The following DPP10 variants were observed in gnomAD, a reference collection of about 807,000 sequenced individuals.
The protein encoded by DPP10 is inactive dipeptidyl peptidase 10.
DPP10 carries 33 observed loss-of-function variants against 120.9 expected under a neutral mutation model. The observed-to-expected ratio is 0.27, with a 90% confidence interval of 0.21 to 0.37. DPP10 has a LOEUF of 0.37. DPP10 is among the 10% of genes least tolerant of loss of function. The pLI, the probability that DPP10 is intolerant of heterozygous loss-of-function variation, is 1.00. For synonymous variants in DPP10, 337 were observed against 326.1 expected, an observed-to-expected ratio of 1.03 and a Z score of -0.36; for missense variants, 816 against 942.8, an observed-to-expected ratio of 0.87 and a Z score of 1.76.
chr2:114,856,684 A>T (rs1164592266), intron 1 of DPP10, among the ~76,000 whole-genome samples: 1 of 152,212 alleles, frequency 6.6e-6, no homozygotes, highest in Non-Finnish European at 1.5e-5. Context: ...GACATGCAAA[A>T]CTAATCTCTA....
intron 1 of DPP10, among the ~76,000 whole-genome samples, chr2:115,235,471 T>G (rs949304564): frequency 3.3e-5 from 5 of 152,216 alleles, no homozygotes; most frequent in African/African-American, 1.2e-4. Flanking sequence ...TCAAGTTGCC[T>G]TACTCATTTC....
chr2:114,817,338 C>A (rs1296143612), intron 1 of DPP10, among the ~76,000 whole-genome samples: 1 of 151,266 alleles, frequency 6.6e-6, no homozygotes, highest in Non-Finnish European at 1.5e-5. Context: ...AAGGATTTAA[C>A]CAAAGAGATG....
rs1187743296 is a variant in DPP10, at chr2:115,400,142, T to C, written c.271+56230T>C. On this transcript the variant is annotated intron_variant, in intron 3 of 25. Coordinates refer to ENST00000410059, the MANE Select transcript of DPP10 (RefSeq NM_020868.6). Reference sequence around the variant, plus strand: ...CAAGAAGATGGTGCTAAGTCATTCATGAAGCACCACCCCCATGATCCAATC... The same window carrying C: ...CAAGAAGATGGTGCTAAGTCATTCACGAAGCACCACCCCCATGATCCAATC... Among the ~76,000 whole-genome samples the C allele has an allele frequency of 3.3e-5, 5 of 152,080 alleles. No homozygotes were observed. In the East Asian group the frequency reaches 7.7e-4, roughly 24 times the overall value.
At chr2:115,309,215 A>G (rs754356698) in intron 1 of DPP10, 24 bp from the exon 2 acceptor site, 2 of 1,597,394 alleles carry the variant, frequency 1.3e-6, no homozygotes, top group East Asian at 4.5e-5. Flanking sequence ...AATAATTACA[A>G]AACTTTTTTT....
chr2:115,616,198 GATA>G (rs1271118912), intron 5 of DPP10, among the ~76,000 whole-genome samples: 1 of 151,986 alleles, frequency 6.6e-6, no homozygotes, highest in Non-Finnish European at 1.5e-5. Flanking sequence ...AATGGGGATG[GATA>G]ATAATAATAA....
At chr2:115,146,590 A>G (rs1178387287) in intron 1 of DPP10, among the ~76,000 whole-genome samples, 1 of 147,334 alleles carries the variant, frequency 6.8e-6, no homozygotes, top group African/African-American at 2.6e-5. Flanking sequence ...CAACAGGGGA[A>G]AAAAAAAAAA....
Position 115,017,158 on chromosome 2 carries a change from G to A in DPP10, c.61-292081G>A, listed in dbSNP as rs191952565. ...ACCAGCATGGCACATGTATACATAC[G>A]TAACTAACCTGCACATTGTGCACAT... On this transcript the variant is annotated intron_variant, in intron 1 of 25. Transcript: ENST00000410059. Among the ~76,000 whole-genome samples, 682 of 150,946 alleles carry A rather than the reference G, an allele frequency of 4.5e-3. 1 individual carries two copies. Among genetic ancestry groups the A allele is most frequent in the Non-Finnish European group, 8.3e-3 (566 of 67,872 alleles).
At chr2:115,680,091 AT>A (rs2149470250) in intron 5 of DPP10, among the ~76,000 whole-genome samples, 1 of 152,168 alleles carries the variant, frequency 6.6e-6, no homozygotes, top group African/African-American at 2.4e-5. Context: ...ATGTATAAAA[AT>A]ATCACATTGT....
At chr2:115,608,144 T>G (rs1427557188) in intron 5 of DPP10, among the ~76,000 whole-genome samples, 1 of 152,046 alleles carries the variant, frequency 6.6e-6, no homozygotes, top group African/African-American at 2.4e-5. Flanking sequence ...TCTGAGCACT[T>G]TGAGAGGCAG....
At chr2:115,348,137 T>C (rs2063800670) in intron 3 of DPP10, among the ~76,000 whole-genome samples, 1 of 152,118 alleles carries the variant, frequency 6.6e-6, no homozygotes, top group Non-Finnish European at 1.5e-5. Flanking sequence ...TCCAATATCT[T>C]AGTCAGTTCA....
chr2:115,443,391 CTG>C (rs1371586731), intron 3 of DPP10, among the ~76,000 whole-genome samples: 2 of 152,150 alleles, frequency 1.3e-5, no homozygotes, highest in African/African-American at 4.8e-5. Flanking sequence ...CTGTGAAACA[CTG>C]TAGCAGAATT....
At chr2:115,154,736 C>T (rs544542630) in intron 1 of DPP10, among the ~76,000 whole-genome samples, 4 of 151,976 alleles carry the variant, frequency 2.6e-5, no homozygotes, top group East Asian at 1.9e-4. Flanking sequence ...CTACCCACCA[C>T]CCCCTGAGCA....
chr2:115,433,373 T>G (rs1030958065), intron 3 of DPP10, among the ~76,000 whole-genome samples: 1 of 152,040 alleles, frequency 6.6e-6, no homozygotes, highest in African/African-American at 2.4e-5. Context: ...ATTATCTTAA[T>G]AATTCTATAT....
chr2:115,074,286 G>A (rs1012438277), intron 1 of DPP10, among the ~76,000 whole-genome samples: 2 of 152,070 alleles, frequency 1.3e-5, no homozygotes, highest in Non-Finnish European at 2.9e-5. Flanking sequence ...TGGGACTACA[G>A]GTGTAACTAC....
At chr2:114,968,931 G>T (rs1449079163) in intron 1 of DPP10, among the ~76,000 whole-genome samples, 1 of 152,124 alleles carries the variant, frequency 6.6e-6, no homozygotes, top group Non-Finnish European at 1.5e-5. Flanking sequence ...AACAATGATT[G>T]AAGTCATGAT....
rs1013409988 is a variant in DPP10, at chr2:114,958,391, A to G, written c.61-350848A>G. The stretch of plus-strand genomic sequence containing the variant: ...AATATAGACGTACCGAGTCCTTCTC[A>G]GGCCATATTTAGCTCACTTTAACGG... On this transcript the variant is annotated intron_variant, in intron 1 of 25. Transcript: ENST00000410059. Among the ~76,000 whole-genome samples, 20 of 152,324 alleles carry G rather than the reference A, an allele frequency of 1.3e-4. No individual in the cohort carries two copies. In the East Asian group the frequency reaches 2.3e-3, roughly 18 times the overall value.
intron 1 of DPP10, among the ~76,000 whole-genome samples, chr2:115,051,753 G>T (rs1705499298): frequency 6.6e-6 from 1 of 152,054 alleles, no homozygotes; most frequent in Non-Finnish European, 1.5e-5. Flanking sequence ...TAGAGATGTA[G>T]CATACAGCAC....
intron 3 of DPP10, among the ~76,000 whole-genome samples, chr2:115,414,940 A>T (rs1025596885): frequency 2.2e-4 from 33 of 152,302 alleles, no homozygotes; most frequent in Middle Eastern, 3.4e-3. Flanking sequence ...CCACGGAGAA[A>T]CCATATTTGT....
intron 1 of DPP10, among the ~76,000 whole-genome samples, chr2:114,490,493 C>T (rs1200631589): frequency 6.8e-6 from 1 of 147,096 alleles, no homozygotes; most frequent in Middle Eastern, 3.3e-3. Context: ...CTTGAGAGGG[C>T]TCCCTCACGA....
Sources: allele counts gnomAD v4.1 joint callset (sites outside exome capture counted in the v4.1 genomes callset), GRCh38; gene constraint gnomAD v4.1.1; transcripts MANE v1.5; gene names NCBI Gene and HGNC (gene_info 2026-07-23, HGNC 2026-07-21).